The following PFKP variants were observed in gnomAD, a reference collection of about 807,000 sequenced individuals.
The protein encoded by PFKP is phosphofructokinase, platelet, also known as ATP-dependent 6-phosphofructokinase, platelet type.
A neutral mutation model predicts 94.3 loss-of-function variants in PFKP; 101 were observed. The ratio of observed to expected loss-of-function variants is 1.07; its 90% confidence interval spans 0.91 to 1.26. PFKP has a LOEUF of 1.26. PFKP is among the 50% of genes most tolerant of loss of function. The probability of loss-of-function intolerance (pLI) is 0.00; values close to 1 mark genes in which losing one functional copy is unlikely to be tolerated. For missense variants in PFKP, 1,145 were observed against 1,103.3 expected (o/e 1.04, Z -0.53); for synonymous variants, 573 against 432.6 (o/e 1.32, Z -4.03).
intron 3 of PFKP, chr10:3,100,915 T>C (rs752403278): frequency 6.3e-7 from 1 of 1,580,094 alleles, no homozygotes; most frequent in Admixed American, 1.7e-5. Context: ...CTGGTTTTAC[T>C]TGCAGGTGCT....
At chr10:3,123,941 A>C (rs77059414) in intron 16 of PFKP, among the ~76,000 whole-genome samples, 1 of 151,864 alleles carries the variant, frequency 6.6e-6, no homozygotes, top group African/African-American at 2.4e-5. Context: ...CTCACAGCTC[A>C]CCTTGTGGTC....
At chr10:3,074,859 G>A (rs1034424488) in intron 1 of PFKP, among the ~76,000 whole-genome samples, 7 of 152,112 alleles carry the variant, frequency 4.6e-5, no homozygotes, top group Non-Finnish European at 7.3e-5. Context: ...ACCCAGCGGC[G>A]CTAGAGGAAT....
intron 1 of PFKP, chr10:3,068,673 G>C: frequency 1.0e-6 from 1 of 985,090 alleles, no homozygotes; most frequent in Non-Finnish European, 1.2e-6. Flanking sequence ...GCGCGCCCCA[G>C]GCCCCGGGTG....
Position 3,101,348 on chromosome 10 carries a change from GC to G in PFKP, c.265-16del. On this transcript the variant is annotated splice_polypyrimidine_tract_variant and intron_variant, in intron 3 of 21. Coordinates refer to ENST00000381125, the MANE Select transcript of PFKP (RefSeq NM_002627.5). ...TCTCAGACTGAGAGGAGATAAATTA[GC>G]TGGTGTCTTTCCCAGGGCGGGACGA... 1 of 1,563,646 alleles carries G rather than the reference GC, an allele frequency of 6.4e-7. No individual in the cohort carries two copies. Among genetic ancestry groups the G allele is most frequent in the Non-Finnish European group, 8.7e-7 (1 of 1,153,614 alleles).
chr10:3,098,928 G>A (rs1181159022), intron 2 of PFKP, among the ~76,000 whole-genome samples: 1 of 152,210 alleles, frequency 6.6e-6, no homozygotes, highest in Non-Finnish European at 1.5e-5. Context: ...GTGAGTTTGT[G>A]CTGAAGTATG....
At chr10:3,087,170 G>T (rs1413612704) in intron 2 of PFKP, among the ~76,000 whole-genome samples, 1 of 152,044 alleles carries the variant, frequency 6.6e-6, no homozygotes, top group African/African-American at 2.4e-5. Context: ...TGTTGGCCAG[G>T]CTGGTCTTGA....
Position 3,130,544 on chromosome 10 carries a change from C to T in PFKP, c.1848+561C>T, listed in dbSNP as rs553732907. ...CTTCATGCAAGATGACAGGCCTTGG[C>T]AGATAAAATGCAACTTGAACAATTG... On this transcript the variant is annotated intron_variant, in intron 17 of 21. Coordinates refer to ENST00000381125, the MANE Select transcript of PFKP (RefSeq NM_002627.5). 2.6e-5 allele frequency among the ~76,000 whole-genome samples: 4 copies of T among 152,276 alleles called. No homozygotes were observed. The South Asian group carries it at 6.2e-4, about 24-fold the overall frequency.
chr10:3,077,975 G>T (rs983995337), intron 1 of PFKP, among the ~76,000 whole-genome samples: 2 of 152,200 alleles, frequency 1.3e-5, no homozygotes, highest in Non-Finnish European at 2.9e-5. Flanking sequence ...AAATGTTAAG[G>T]TTCTTCTTTG....
At chr10:3,130,590 C>A (rs1408851917) in intron 17 of PFKP, among the ~76,000 whole-genome samples, 1 of 152,204 alleles carries the variant, frequency 6.6e-6, no homozygotes, top group East Asian at 1.9e-4. Context: ...GAGAGGGAGT[C>A]TTGCTGTCAC....
At chr10:3,096,348 G>C (rs1428323621) in intron 2 of PFKP, among the ~76,000 whole-genome samples, 1 of 152,132 alleles carries the variant, frequency 6.6e-6, no homozygotes, top group Non-Finnish European at 1.5e-5. Flanking sequence ...GTGGCGGCCG[G>C]AACTGGCACC....
At chr10:3,132,790 G>A (rs538380325) in intron 18 of PFKP, among the ~76,000 whole-genome samples, 8 of 152,204 alleles carry the variant, frequency 5.3e-5, no homozygotes, top group South Asian at 4.1e-4. Context: ...GATAGTACCC[G>A]CCCCCTGTAT....
chr10:3,115,721 C>T (rs1197940824), intron 13 of PFKP, among the ~76,000 whole-genome samples: 1 of 152,200 alleles, frequency 6.6e-6, no homozygotes, highest in Non-Finnish European at 1.5e-5. Context: ...ATGCAGAACT[C>T]ACAGAGCTTC....
chr10:3,097,465 T>A (rs1834583445), intron 2 of PFKP, among the ~76,000 whole-genome samples: 1 of 152,016 alleles, frequency 6.6e-6, no homozygotes, highest in Non-Finnish European at 1.5e-5. Flanking sequence ...ATAATAATAA[T>A]AATAATCCCT....
chr10:3,126,794 T>C (rs1469699024), intron 16 of PFKP, among the ~76,000 whole-genome samples: 2 of 152,258 alleles, frequency 1.3e-5, no homozygotes, highest in Non-Finnish European at 1.5e-5. Context: ...AACTGTAGCC[T>C]GGGGCTCTCG....
At chr10:3,103,292 C>T (rs755145698) in intron 4 of PFKP, among the ~76,000 whole-genome samples, 2 of 152,184 alleles carry the variant, frequency 1.3e-5, no homozygotes, top group Non-Finnish European at 2.9e-5. Flanking sequence ...GTAACTGCTG[C>T]CAGCTTTGTC....
At chr10:3,117,990 G>A (rs541765713) in intron 14 of PFKP, among the ~76,000 whole-genome samples, 6 of 152,174 alleles carry the variant, frequency 3.9e-5, no homozygotes, top group Non-Finnish European at 7.3e-5. Flanking sequence ...CAATCAACAT[G>A]AAACCTTTGG....
intron 2 of PFKP, among the ~76,000 whole-genome samples, chr10:3,099,046 C>T (rs1310471632): frequency 6.6e-6 from 1 of 152,188 alleles, no homozygotes; most frequent in African/African-American, 2.4e-5. Context: ...TTCCTCATTG[C>T]ACTGTGAGGC....
chr10:3,128,096 AGGAC>A (rs57993510), intron 16 of PFKP, among the ~76,000 whole-genome samples: 1 of 151,642 alleles, frequency 6.6e-6, no homozygotes, highest in African/African-American at 2.4e-5. Flanking sequence ...GCCGTTGACC[AGGAC>A]GGACGGACGG....
At position 3,118,858 on chromosome 10, in the gene PFKP, G is replaced by A. The variant is rs1378989519; in HGVS notation, c.1519G>A (p.Gly507Ser). The change falls in exon 15 of 22, where the codon GGT (glycine) becomes AGT (serine). Residue 507 changes from glycine to serine, a missense_variant. Gly to Ser is a moderately conservative substitution (Grantham distance 56, BLOSUM62 0). This residue lies in a region of PFKP where 1,119 missense variants were observed against 1,062.8 expected (regional missense o/e 1.05). Coordinates refer to ENST00000381125, the MANE Select transcript of PFKP (RefSeq NM_002627.5). ...THSINALLII[G>S]GFEAYLGLLE... is the part of the protein sequence containing the mutation. The stretch of plus-strand genomic sequence containing the variant: ...CAGCATCAACGCGCTGCTGATCATC[G>A]GTGGATTCGAGGTACGTTACCGTTT... The A allele has an allele frequency of 1.1e-5, 17 of 1,612,556 alleles. No individual in the cohort carries two copies. Among genetic ancestry groups the A allele is most frequent in the Non-Finnish European group, 1.4e-5 (16 of 1,178,880 alleles).
Sources: allele counts gnomAD v4.1 joint callset (sites outside exome capture counted in the v4.1 genomes callset), GRCh38; gene constraint gnomAD v4.1.1; regional missense constraint gnomAD v4.1.1; transcripts MANE v1.5; gene names NCBI Gene and HGNC (gene_info 2026-07-23, HGNC 2026-07-21).